PPP4R2: variants seen among roughly 807,000 people sequenced by gnomAD.
PPP4R2 encodes the protein serine/threonine-protein phosphatase 4 regulatory subunit 2.
Under a neutral mutation model 47.2 loss-of-function variants are expected in PPP4R2, and 13 were observed. The observed-to-expected ratio is 0.28, with a 90% CI of 0.18 to 0.44. The LOEUF (loss-of-function observed/expected upper bound fraction) is 0.44. Among genes scored for constraint, PPP4R2 ranks in the 20% least tolerant of loss-of-function variants. The pLI is 1.00. For missense variants in PPP4R2, 421 were observed against 491.2 expected, an observed-to-expected ratio of 0.86 and a Z score of 1.35; for synonymous variants, 151 against 163.3, an observed-to-expected ratio of 0.92 and a Z score of 0.57.
chr3:73,027,654 TGTGAG>T (rs1702091189), intron 2 of PPP4R2, among the ~76,000 whole-genome samples: 2 of 120,748 alleles, frequency 1.7e-5, no homozygotes, highest in Admixed American at 8.6e-5. Flanking sequence ...TCTTGGTACT[TGTGAG>T]GTGTGTGTGT....
intron 2 of PPP4R2, among the ~76,000 whole-genome samples, chr3:73,007,359 G>T (rs1178107305): frequency 2.0e-5 from 3 of 152,162 alleles, no homozygotes; most frequent in Admixed American, 6.5e-5. Context: ...TTTAAAAGTA[G>T]TTATCGACAA....
At chr3:73,020,950 CAT>C (rs1575852232) in intron 2 of PPP4R2, among the ~76,000 whole-genome samples, 1 of 152,030 alleles carries the variant, frequency 6.6e-6, no homozygotes, top group African/African-American at 2.4e-5. Flanking sequence ...CAAGTACTAT[CAT>C]ATTAGGAGGT....
chr3:73,006,767 C>A (rs1450380111), intron 2 of PPP4R2, among the ~76,000 whole-genome samples: 3 of 152,182 alleles, frequency 2.0e-5, no homozygotes, highest in Non-Finnish European at 4.4e-5. Context: ...TTGGCAAAAT[C>A]CATCTCAGTT....
At chr3:73,034,855 A>AC (rs1553648260) in intron 2 of PPP4R2, among the ~76,000 whole-genome samples, 1 of 151,834 alleles carries the variant, frequency 6.6e-6, no homozygotes, top group Non-Finnish European at 1.5e-5. Flanking sequence ...TTAAAAAAAA[A>AC]AAAACATTTC....
intron 1 of PPP4R2, chr3:72,997,342 G>T (rs1373587281): frequency 2.7e-6 from 1 of 371,280 alleles, no homozygotes; most frequent in Non-Finnish European, 4.8e-6. Context: ...TCTCCCACCC[G>T]TTCAGGGGAC....
intron 2 of PPP4R2, among the ~76,000 whole-genome samples, chr3:73,029,418 G>C (rs1007066732): frequency 6.6e-6 from 1 of 152,176 alleles, no homozygotes; most frequent in Non-Finnish European, 1.5e-5. Flanking sequence ...GAGGTGTTAA[G>C]AATTAGTCAC....
chr3:73,052,406 G>A (rs75388430), intron 3 of PPP4R2, among the ~76,000 whole-genome samples: 1,545 of 151,560 alleles, frequency 0.01, 23 homozygotes, highest in East Asian at 0.041. Context: ...TTAATGAAAT[G>A]GTCAATTAAA....
intron 2 of PPP4R2, chr3:73,016,261 A>G (rs1361747063): frequency 7.6e-6 from 1 of 131,642 alleles, no homozygotes; most frequent in Non-Finnish European, 1.6e-5. Context: ...ATTCTATAAT[A>G]TTCTCGTTCA....
Position 73,068,668 on chromosome 3 carries a change from G to A in PPP4R2, c.*2946G>A, listed in dbSNP as rs972155263. ...TGGCTTGTTAAAGCATTGAGATTCA[G>A]AGTATTTTGTTTTGCCGGTGTAGAT... is the stretch of plus-strand genomic sequence containing the variant. On this transcript the variant is annotated 3_prime_UTR_variant, in exon 9 of 9. Coordinates refer to ENST00000356692, the MANE Select transcript of PPP4R2 (RefSeq NM_174907.4). 3 of 152,164 alleles carry A rather than the reference G, an allele frequency of 2.0e-5. No individual in the cohort carries two copies. The highest frequency in any genetic ancestry group is 7.2e-5 in the African/African-American group (3 of 41,438). The allele number at this position is 152,164 out of a possible 1,614,324, so 9.4% of individuals were successfully genotyped here.
chr3:73,053,267 T>TC, intron 3 of PPP4R2, among the ~76,000 whole-genome samples: 1 of 151,820 alleles, frequency 6.6e-6, no homozygotes, highest in Non-Finnish European at 1.5e-5. Context: ...CCTACTTACT[T>TC]GTTTTTTCTT....
At chr3:73,013,884 G>T (rs979855223) in intron 2 of PPP4R2, among the ~76,000 whole-genome samples, 12 of 152,112 alleles carry the variant, frequency 7.9e-5, no homozygotes, top group Admixed American at 5.2e-4. Context: ...CAGTTGATCC[G>T]CCTGCCTTGG....
chr3:73,060,601 T>C (rs1001666226), intron 4 of PPP4R2, among the ~76,000 whole-genome samples: 1 of 46,758 alleles, frequency 2.1e-5, no homozygotes, highest in Non-Finnish European at 5.2e-5. Flanking sequence ...TTTGAGTCTC[T>C]TTCTGTGGGA....
chr3:73,060,493 C>G (rs975841154), intron 4 of PPP4R2, among the ~76,000 whole-genome samples: 1 of 152,120 alleles, frequency 6.6e-6, no homozygotes, highest in African/African-American at 2.4e-5. Context: ...GGATTAAATG[C>G]AAAACACTTA....
chr3:73,022,282 A>C (rs1035423094), intron 2 of PPP4R2, among the ~76,000 whole-genome samples: 5 of 152,126 alleles, frequency 3.3e-5, no homozygotes, highest in African/African-American at 4.8e-5. Flanking sequence ...TTAGGCCTGG[A>C]GGAAATCTTT....
At chr3:73,010,118 G>GA (rs1365723668) in intron 2 of PPP4R2, among the ~76,000 whole-genome samples, 3 of 152,366 alleles carry the variant, frequency 2.0e-5, no homozygotes, top group East Asian at 3.9e-4. Context: ...GTAATGATAT[G>GA]AAACAGTAGT....
chr3:73,020,655 G>A lies in PPP4R2; in HGVS notation c.116+22497G>A, dbSNP rs544806854. ...ACTGCACTCCAGCCTGGGCCACAGAGTGAGACCCTGTCTCTTTAAAAAAAA... is the reference window on the plus strand; with the variant it reads ...ACTGCACTCCAGCCTGGGCCACAGAATGAGACCCTGTCTCTTTAAAAAAAA... On this transcript the variant is annotated intron_variant, in intron 2 of 8. Coordinates refer to ENST00000356692, the MANE Select transcript of PPP4R2 (RefSeq NM_174907.4). Among the ~76,000 whole-genome samples the A allele has an allele frequency of 2.9e-5, 4 of 136,472 alleles. No individual in the cohort carries two copies. In the South Asian group the frequency reaches 7.6e-4, roughly 26 times the overall value. The allele number at this position is 136,472 out of a possible 152,430, so 89.5% of individuals were successfully genotyped here.
intron 2 of PPP4R2, among the ~76,000 whole-genome samples, chr3:73,028,275 A>C (rs1702105942): frequency 7.0e-6 from 1 of 143,148 alleles, no homozygotes; most frequent in African/African-American, 2.7e-5. Flanking sequence ...AAAAAAAAAA[A>C]GACGGGGTCT....
chr3:73,040,407 G>A (rs1017297528), intron 2 of PPP4R2, among the ~76,000 whole-genome samples: 4 of 151,980 alleles, frequency 2.6e-5, no homozygotes, highest in Non-Finnish European at 5.9e-5. Context: ...CTATCCTCAG[G>A]TGATAAATAG....
intron 2 of PPP4R2, among the ~76,000 whole-genome samples, chr3:73,038,611 G>A (rs1032993508): frequency 3.3e-5 from 5 of 152,140 alleles, no homozygotes; most frequent in Non-Finnish European, 7.4e-5. Flanking sequence ...GGCCAGGTTG[G>A]TTTCAAAATC....
Sources: allele counts gnomAD v4.1 joint callset (sites outside exome capture counted in the v4.1 genomes callset), GRCh38; gene constraint gnomAD v4.1.1; transcripts MANE v1.5; gene names NCBI Gene and HGNC (gene_info 2026-07-23, HGNC 2026-07-21).